CTNNA2: variants seen among roughly 807,000 people sequenced by gnomAD.
CTNNA2 encodes catenin alpha-2.
In CTNNA2, 42 loss-of-function variants were observed where a neutral mutation model predicts 101.0. The ratio of observed to expected loss-of-function variants is 0.42; its 90% CI spans 0.32 to 0.54. The LOEUF is 0.54. Among genes scored for constraint, CTNNA2 ranks in the 20% least tolerant of loss-of-function variants. The probability of loss-of-function intolerance (pLI) is 0.14; values close to 1 mark genes in which losing one functional copy is unlikely to be tolerated. For missense variants in CTNNA2, 871 were observed against 1,223.1 expected (o/e 0.71, Z 4.29); for synonymous variants, 450 against 456.4 (o/e 0.99, Z 0.18).
chr2:80,147,293 G>A (rs1703407849), intron 7 of CTNNA2, among the ~76,000 whole-genome samples: 1 of 151,846 alleles, frequency 6.6e-6, no homozygotes, highest in South Asian at 2.1e-4. Flanking sequence ...GTACAGTTGG[G>A]GTTTCACCAT....
intron 2 of CTNNA2, among the ~76,000 whole-genome samples, chr2:79,297,177 C>T (rs1359549936): frequency 7.4e-6 from 1 of 134,788 alleles, no homozygotes; most frequent in Non-Finnish European, 1.5e-5. Context: ...TTTGGTTTGT[C>T]ATTTGTTTGT....
chr2:80,102,624 T>C (rs1237253710), intron 7 of CTNNA2, among the ~76,000 whole-genome samples: 3 of 152,166 alleles, frequency 2.0e-5, no homozygotes, highest in African/African-American at 7.2e-5. Flanking sequence ...GTGATTTTCC[T>C]GCCTCAGCCT....
intron 3 of CTNNA2, among the ~76,000 whole-genome samples, chr2:79,344,875 T>C (rs576905470): frequency 8.9e-5 from 13 of 146,128 alleles, no homozygotes; most frequent in African/African-American, 2.7e-4. Context: ...TATATTTATA[T>C]ATATAATATA....
chr2:79,997,252 T>C (rs1169072261), intron 7 of CTNNA2, among the ~76,000 whole-genome samples: 1 of 150,896 alleles, frequency 6.6e-6, no homozygotes, highest in Non-Finnish European at 1.5e-5. Flanking sequence ...TGGTGCCTAA[T>C]AATCTTCCTC....
intron 9 of CTNNA2, among the ~76,000 whole-genome samples, chr2:80,481,510 T>G (rs1192159288): frequency 1.3e-5 from 2 of 152,122 alleles, no homozygotes; most frequent in Admixed American, 1.3e-4. Flanking sequence ...TTAACAGAAG[T>G]ACCTAATCAG....
chr2:79,351,487 G>T (rs1417920304), intron 3 of CTNNA2, among the ~76,000 whole-genome samples: 1 of 151,984 alleles, frequency 6.6e-6, no homozygotes, highest in Non-Finnish European at 1.5e-5. Context: ...TGTTGCATAG[G>T]TATATTACAT....
Position 79,628,321 on chromosome 2 carries a change from C to T in CTNNA2, c.-5-23231C>T, listed in dbSNP as rs764224033. On this transcript the variant is annotated intron_variant, in intron 1 of 18. Coordinates refer to ENST00000402739, the MANE Select transcript of CTNNA2 (RefSeq NM_001282597.3). ...ACGAAAAATTAGCCAGGTGTGGTGG[C>T]GGGCACCTGTAATCCTAGCTGCTCA... 1.2e-4 allele frequency among the ~76,000 whole-genome samples: 18 copies of T among 151,924 alleles called. 1 individual carries two copies. The highest frequency in any genetic ancestry group is 4.2e-4 in the South Asian group (2 of 4,794).
chr2:79,375,335 T>G lies in CTNNA2; in HGVS notation c.-135+1322T>G, dbSNP rs192368552. 2.0e-3 allele frequency among the ~76,000 whole-genome samples: 298 copies of G among 152,314 alleles called. 2 individuals are homozygous for G. The highest frequency in any genetic ancestry group is 6.9e-3 in the African/African-American group (288 of 41,584). On this transcript the variant is annotated intron_variant, in intron 4 of 21. Coordinates refer to the CTNNA2 transcript ENST00000466387. ...TGTAAGCTTTTTGTAAGAATTGCAG[T>G]AAATAAGTGAAAATATTTCTGACCG...
intron 4 of CTNNA2, among the ~76,000 whole-genome samples, chr2:79,423,959 C>CA (rs1186728269): frequency 1.3e-5 from 2 of 152,180 alleles, no homozygotes; most frequent in East Asian, 3.9e-4. Context: ...AAAAAACCCA[C>CA]AAAAAATCAA....
chr2:79,913,853 T>G (rs1002593013), intron 7 of CTNNA2, among the ~76,000 whole-genome samples: 1 of 152,190 alleles, frequency 6.6e-6, no homozygotes, highest in Non-Finnish European at 1.5e-5. Flanking sequence ...CAGGAAATTC[T>G]GATTTACTTG....
intron 1 of CTNNA2, among the ~76,000 whole-genome samples, chr2:79,193,991 TG>T (rs1411200611): frequency 4.6e-5 from 7 of 152,368 alleles, no homozygotes; most frequent in African/African-American, 1.7e-4. Context: ...GGAAATATTT[TG>T]CTATTTTTAT....
At chr2:80,204,884 A>G (rs761601548) in intron 7 of CTNNA2, among the ~76,000 whole-genome samples, 23 of 152,318 alleles carry the variant, frequency 1.5e-4, no homozygotes, top group Middle Eastern at 3.4e-3. Flanking sequence ...AGGCCTCACA[A>G]TCATGATGGA....
At chr2:79,827,782 A>C (rs1009244459) in intron 3 of CTNNA2, among the ~76,000 whole-genome samples, 9 of 152,238 alleles carry the variant, frequency 5.9e-5, no homozygotes, top group Non-Finnish European at 4.4e-5. Flanking sequence ...ATGAAAAGAA[A>C]AAGGATTTGG....
intron 2 of CTNNA2, among the ~76,000 whole-genome samples, chr2:79,225,727 A>G (rs951939966): frequency 2.0e-5 from 3 of 152,186 alleles, no homozygotes; most frequent in Non-Finnish European, 2.9e-5. Flanking sequence ...ATTGGTTTCC[A>G]CTGGGAAAAT....
At chr2:80,236,613 G>T (rs993506136) in intron 7 of CTNNA2, among the ~76,000 whole-genome samples, 1 of 152,190 alleles carries the variant, frequency 6.6e-6, no homozygotes, top group South Asian at 2.1e-4. Context: ...CAGGAGGAAA[G>T]GAAAATGGAT....
At chr2:80,276,623 G>A (rs560566536) in intron 7 of CTNNA2, among the ~76,000 whole-genome samples, 4 of 152,034 alleles carry the variant, frequency 2.6e-5, no homozygotes, top group Admixed American at 6.5e-5. Flanking sequence ...CACATGGCAA[G>A]GGGAAGGAAA....
intron 3 of CTNNA2, among the ~76,000 whole-genome samples, chr2:79,785,595 A>C (rs1440882288): frequency 6.6e-6 from 1 of 152,000 alleles, no homozygotes; most frequent in Non-Finnish European, 1.5e-5. Context: ...TGTATTTATA[A>C]TTTGTTATTA....
At position 80,588,240 on chromosome 2, in the gene CTNNA2, C is replaced by T. The variant is rs563852046; in HGVS notation, c.2008-1064C>T. Among the ~76,000 whole-genome samples the T allele has an allele frequency of 3.0e-3, 458 of 152,236 alleles. 5 individuals are homozygous for T. The highest frequency in any genetic ancestry group is 0.01 in the African/African-American group (427 of 41,526). On this transcript the variant is annotated intron_variant, in intron 14 of 18. Coordinates refer to ENST00000402739, the MANE Select transcript of CTNNA2 (RefSeq NM_001282597.3). ...AGGCACATGCCCGCCTTCTCGTGCT[C>T]GGGGACACTAGACGCACTTCAGCAC... is the stretch of plus-strand genomic sequence containing the variant.
rs745722142 is a variant in CTNNA2 at position 79,869,874 on chromosome 2, G to T, written c.524G>T (p.Arg175Leu). 4.3e-6 allele frequency: 7 copies of T among 1,614,072 alleles called. No homozygotes were observed. The highest frequency in any genetic ancestry group is 1.7e-6 in the Non-Finnish European group (2 of 1,179,998). Residue 175 changes from arginine to leucine, a missense_variant, in exon 5 of 19, where the codon CGT becomes CTT. Coordinates refer to ENST00000402739, the MANE Select transcript of CTNNA2 (RefSeq NM_001282597.3). ...NATNEQDLAN[R>L]FKEFGKEMVK... is the part of the protein sequence containing the mutation. ...ACAAATGAGCAAGACCTTGCAAACC[G>T]TTTTAAAGAGTTTGGGAAAGAGATG...
Sources: allele counts gnomAD v4.1 joint callset (sites outside exome capture counted in the v4.1 genomes callset), GRCh38; gene constraint gnomAD v4.1.1; transcripts MANE v1.5; gene names NCBI Gene and HGNC (gene_info 2026-07-23, HGNC 2026-07-21).